STX17: variants seen among roughly 807,000 people sequenced by gnomAD.
STX17 encodes the protein syntaxin 17.
Under a neutral mutation model 35.9 loss-of-function variants are expected in STX17, and 29 were observed. The ratio of observed to expected loss-of-function variants is 0.81; its 90% confidence interval spans 0.60 to 1.10. The LOEUF (loss-of-function observed/expected upper bound fraction) is 1.10, where lower values mean the gene tolerates loss of function less well. Ranked by LOEUF, STX17 falls within the 50% of genes least tolerant of loss-of-function variation. The pLI, the probability that STX17 is intolerant of heterozygous loss-of-function variation, is 0.00. For missense variants in STX17, 312 were observed against 352.3 expected (o/e 0.89, Z 0.92); for synonymous variants, 92 against 118.3 (o/e 0.78, Z 1.44).
chr9:99,968,807 T>A lies in STX17; in HGVS notation c.*134T>A. 1 of 1,360,698 alleles carries A rather than the reference T, an allele frequency of 7.3e-7. No homozygotes were observed. The highest frequency in any genetic ancestry group is 1.0e-6 in the Non-Finnish European group (1 of 1,002,446). 84.3% of individuals were successfully genotyped at this position (1,360,698 alleles called of 1,614,324 possible). A position where few individuals can be genotyped will look rare whatever the true frequency, so the allele number is the denominator to read the frequency against. ...CTGATGTTCAAGTGGGATTGAAGTG[T>A]GATAAATGGATATATTTTGTTGTTT... On this transcript the variant is annotated 3_prime_UTR_variant, in exon 8 of 8. Transcript: ENST00000259400.
chr9:99,950,224 A>G (rs934206688), intron 3 of STX17, among the ~76,000 whole-genome samples: 1 of 151,970 alleles, frequency 6.6e-6, no homozygotes, highest in Admixed American at 6.6e-5. Flanking sequence ...GAGTAAAGCA[A>G]CAGTGAGATG....
At chr9:99,915,076 T>C (rs1302874411) in intron 1 of STX17, 102 bp from the exon 2 acceptor site, 2 of 710,948 alleles carry the variant, frequency 2.8e-6, no homozygotes, top group African/African-American at 1.9e-5. Context: ...ATTAGAAATA[T>C]TCTATTTATT....
intron 1 of STX17, among the ~76,000 whole-genome samples, chr9:99,908,850 C>T (rs1283927777): frequency 6.6e-6 from 1 of 152,190 alleles, no homozygotes; most frequent in African/African-American, 2.4e-5. Context: ...TATGCATACC[C>T]ATGCATACAC....
intron 3 of STX17, among the ~76,000 whole-genome samples, chr9:99,931,374 TTGA>T (rs1463075588): frequency 6.6e-6 from 1 of 152,194 alleles, no homozygotes; most frequent in African/African-American, 2.4e-5. Flanking sequence ...ATTCTGAAAT[TTGA>T]TGATGATGTC....
chr9:99,935,210 G>T (rs548305321), intron 3 of STX17, among the ~76,000 whole-genome samples: 1 of 151,294 alleles, frequency 6.6e-6, no homozygotes, highest in South Asian at 2.1e-4. Flanking sequence ...GGCACCTGTA[G>T]TCCCAGCTAC....
At chr9:99,960,219 C>A in intron 6 of STX17, 64 bp downstream of exon 6, 1 of 1,460,346 alleles carries the variant, frequency 6.8e-7, no homozygotes, top group South Asian at 1.2e-5. Context: ...CTTTTATAAT[C>A]ACTAGGCTTT....
intron 1 of STX17, among the ~76,000 whole-genome samples, chr9:99,908,655 G>GGAT (rs1828601815): frequency 6.6e-6 from 1 of 151,932 alleles, no homozygotes; most frequent in African/African-American, 2.4e-5. Context: ...TGGTACCATA[G>GGAT]GATGCCCCAG....
At chr9:99,916,562 G>A (rs1345090053) in intron 2 of STX17, among the ~76,000 whole-genome samples, 2 of 151,942 alleles carry the variant, frequency 1.3e-5, no homozygotes, top group African/African-American at 4.8e-5. Context: ...TCAGAAAAGT[G>A]TACCTTTTTC....
Position 99,967,722 on chromosome 9 carries a change from A to G in STX17, c.652A>G (p.Thr218Ala), listed in dbSNP as rs1373659436. The change falls in exon 7 of 8, where the codon ACC (threonine) becomes GCC (alanine). Residue 218 changes from threonine (T) to alanine (A), a missense_variant. Physicochemically the swap from Thr to Ala is moderately conservative, Grantham distance 58. Coordinates refer to ENST00000259400, the MANE Select transcript of STX17 (RefSeq NM_017919.3). ...NSAAVNVEEGTKNLGKAAKYK... is the reference protein window; with the variant it reads ...NSAAVNVEEGAKNLGKAAKYK... ...TGCTGCTGTGAATGTTGAAGAGGGA[A>G]CCAAAAACTTAGGGAAGGTAAGATT... is the stretch of plus-strand genomic sequence containing the variant. 2.5e-6 allele frequency: 4 copies of G among 1,613,934 alleles called. No homozygotes were observed. The highest frequency in any genetic ancestry group is 3.4e-6 in the Non-Finnish European group (4 of 1,179,874).
chr9:99,949,729 C>T (rs1829554548), intron 3 of STX17, among the ~76,000 whole-genome samples: 1 of 151,882 alleles, frequency 6.6e-6, no homozygotes, highest in Admixed American at 6.6e-5. Flanking sequence ...TATGAATAGA[C>T]ATATAACTTT....
chr9:99,968,432 A>C lies in STX17; in HGVS notation c.670-2A>C. The C allele has an allele frequency of 6.6e-7, 1 of 1,518,902 alleles. No homozygotes were observed. The highest frequency in any genetic ancestry group is 8.8e-7 in the Non-Finnish European group (1 of 1,135,940). 94.1% of individuals were successfully genotyped at this position (1,518,902 alleles called of 1,614,324 possible). A position where few individuals can be genotyped will look rare whatever the true frequency, so the allele number is the denominator to read the frequency against. The stretch of plus-strand genomic sequence containing the variant: ...TAAATTGAATTTTTTTTTTTTTTAC[A>C]GGCTGCAAAATACAAGCTGGCAGCT... On this transcript the variant is annotated splice_acceptor_variant, in intron 7 of 7. Transcript: ENST00000259400. LOFTEE classifies it high-confidence loss of function.
intron 3 of STX17, among the ~76,000 whole-genome samples, chr9:99,935,627 T>G (rs978847753): frequency 6.6e-6 from 1 of 152,154 alleles, no homozygotes; most frequent in African/African-American, 2.4e-5. Context: ...AGAGAGAGAT[T>G]TTTTTAAAGT....
intron 3 of STX17, 81 bp downstream of exon 3, chr9:99,928,924 A>C (rs1829049656): frequency 8.0e-7 from 1 of 1,249,164 alleles, no homozygotes; most frequent in Non-Finnish European, 1.2e-6. Flanking sequence ...TTACCTTTGC[A>C]GCTGAACCCT....
intron 2 of STX17, chr9:99,916,039 T>C: frequency 2.2e-6 from 1 of 455,886 alleles, no homozygotes; most frequent in Non-Finnish European, 4.4e-6. Context: ...GTAACTCGTA[T>C]TCTCTTTAGG....
At chr9:99,922,464 T>C (rs1236639693) in intron 2 of STX17, among the ~76,000 whole-genome samples, 1 of 152,236 alleles carries the variant, frequency 6.6e-6, no homozygotes, top group African/African-American at 2.4e-5. Flanking sequence ...CTAACTAAAA[T>C]TGTCCTTATC....
Position 99,971,480 on chromosome 9 carries a change from G to T in STX17, c.*2807G>T, listed in dbSNP as rs902376737. Among the ~76,000 whole-genome samples, 4 of 151,534 alleles carry T rather than the reference G, an allele frequency of 2.6e-5. No homozygotes were observed. Among genetic ancestry groups the T allele is most frequent in the African/African-American group, 9.7e-5 (4 of 41,204 alleles). ...TATGCCAGTTGCAACCCACTAAATT[G>T]ATATCTACCAATGGGTTGCAACCCT... On this transcript the variant is annotated 3_prime_UTR_variant, in exon 8 of 8. Transcript: ENST00000259400.
intron 1 of STX17, among the ~76,000 whole-genome samples, chr9:99,910,140 G>A (rs906088586): frequency 2.0e-5 from 3 of 152,066 alleles, no homozygotes; most frequent in African/African-American, 7.2e-5. Flanking sequence ...GGCTGAGGCA[G>A]GAGAGTCACT....
intron 2 of STX17, among the ~76,000 whole-genome samples, chr9:99,924,848 T>C (rs1828957912): frequency 6.6e-6 from 1 of 152,046 alleles, no homozygotes; most frequent in Non-Finnish European, 1.5e-5. Flanking sequence ...CATCCTTACC[T>C]TCTTCCCAAT....
At chr9:99,946,416 T>C (rs1250934889) in intron 3 of STX17, among the ~76,000 whole-genome samples, 2 of 152,338 alleles carry the variant, frequency 1.3e-5, no homozygotes, top group South Asian at 2.1e-4. Flanking sequence ...GAAGTACAGA[T>C]AATATCAGTT....
Sources: gnomAD v4.1 joint callset for allele counts (sites outside exome capture counted in the v4.1 genomes callset) on GRCh38, gnomAD v4.1.1 for gene constraint, MANE v1.5 for transcripts, NCBI Gene and HGNC (gene_info 2026-07-23, HGNC 2026-07-21) for gene names.